Variants in COPZ1 observed in about 807,000 individuals in gnomAD.
COPZ1 encodes coat protein complex I subunit zeta 1, also known as coatomer subunit zeta-1.
Under a neutral mutation model 31.7 loss-of-function variants are expected in COPZ1, and 4 were observed. The observed-to-expected ratio is 0.13, with a 90% CI of 0.06 to 0.29. The LOEUF is 0.29. COPZ1 is among the 10% of genes least tolerant of loss of function. The probability of loss-of-function intolerance (pLI) is 1.00; values close to 1 mark genes in which losing one functional copy is unlikely to be tolerated. For synonymous variants in COPZ1, 74 were observed against 79.0 expected, an observed-to-expected ratio of 0.94 and a Z score of 0.33; for missense variants, 156 against 211.5, an observed-to-expected ratio of 0.74 and a Z score of 1.63.
rs377563616 is a variant in COPZ1 at position 54,342,377 on chromosome 12, G to A, written c.169+90G>A. On this transcript the variant is annotated intron_variant, in intron 3 of 8. Coordinates refer to ENST00000262061, the MANE Select transcript of COPZ1 (RefSeq NM_016057.3). Reference sequence around the variant, plus strand: ...CAGGGCTGCAGAGAAAGGATGAAATGACTCTGCCTTTTTCTTTTTTTTTCC... The same window carrying A: ...CAGGGCTGCAGAGAAAGGATGAAATAACTCTGCCTTTTTCTTTTTTTTTCC... 5.3e-6 allele frequency: 5 copies of A among 948,962 alleles called. No individual in the cohort carries two copies. The African/African-American group carries it at 8.2e-5, about 16-fold the overall frequency. The allele number at this position is 948,962 out of a possible 1,614,324, so 58.8% of individuals were successfully genotyped here.
intron 1 of COPZ1, among the ~76,000 whole-genome samples, chr12:54,331,111 A>G (rs1266819843): frequency 6.6e-6 from 1 of 150,886 alleles, no homozygotes; most frequent in African/African-American, 2.4e-5. Context: ...CTGTTGTGTA[A>G]TCTAAGTTAT....
At chr12:54,330,115 G>A (rs945544731) in intron 1 of COPZ1, among the ~76,000 whole-genome samples, 3 of 152,112 alleles carry the variant, frequency 2.0e-5, no homozygotes, top group Non-Finnish European at 2.9e-5. Context: ...CCTCATTCCT[G>A]CGCTGTGGAG....
At chr12:54,329,411 C>T (rs1345844120) in intron 1 of COPZ1, among the ~76,000 whole-genome samples, 2 of 151,978 alleles carry the variant, frequency 1.3e-5, no homozygotes, top group South Asian at 2.1e-4. Flanking sequence ...TGGTGAAACC[C>T]GTCTCTGCTA....
rs71070816 is a variant in COPZ1, at chr12:54,326,640, GGTGTGTGTGTGT to G, written c.18+1488_18+1499del. On this transcript the variant is annotated intron_variant, in intron 1 of 8. Transcript: ENST00000262061. ...AGTGCCCTATTTTGCGATTTGGAGG[GGTGTGTGTGTGT>G]GTGTGTGTGTGTGTGTGTGTGTGTG... Among the ~76,000 whole-genome samples the G allele has an allele frequency of 2.7e-3, 357 of 134,554 alleles. 2 individuals are homozygous for G. The highest frequency in any genetic ancestry group is 8.0e-3 in the African/African-American group (275 of 34,424). The allele number at this position is 134,554 out of a possible 152,430, so 88.3% of individuals were successfully genotyped here.
At chr12:54,334,997 A>G (rs1953831694) in intron 1 of COPZ1, among the ~76,000 whole-genome samples, 1 of 151,926 alleles carries the variant, frequency 6.6e-6, no homozygotes, top group Admixed American at 6.6e-5. Flanking sequence ...AAGATGGTGA[A>G]ACTCCATCTC....
chr12:54,337,019 CAAAAA>C (rs1182592654), intron 1 of COPZ1, among the ~76,000 whole-genome samples: 1,121 of 61,536 alleles, frequency 0.018, 8 homozygotes, highest in Middle Eastern at 0.043. Flanking sequence ...GAGACTGTCG[CAAAAA>C]AAAAAAAAAA....
intron 1 of COPZ1, among the ~76,000 whole-genome samples, chr12:54,333,760 CTG>C (rs1371411051): frequency 2.6e-5 from 4 of 152,148 alleles, no homozygotes; most frequent in Non-Finnish European, 4.4e-5. Context: ...TGTTTTGGGT[CTG>C]TGTCAGATAG....
At position 54,345,535 on chromosome 12, in the gene COPZ1, T is replaced by C. The variant is rs779274080; in HGVS notation, c.317+20T>C. On this transcript the variant is annotated intron_variant, in intron 5 of 8. Coordinates refer to ENST00000262061, the MANE Select transcript of COPZ1 (RefSeq NM_016057.3). ...GCTGAGGTGAGCAGGACATTCTTTT[T>C]TTTCCCCTCAAGTTATGATGGAAAG... 39 of 1,598,088 alleles carry C rather than the reference T, an allele frequency of 2.4e-5. No individual in the cohort carries two copies. Among genetic ancestry groups the C allele is most frequent in the Non-Finnish European group, 3.3e-5 (39 of 1,165,964 alleles).
chr12:54,326,195 A>C (rs562542246), intron 1 of COPZ1, among the ~76,000 whole-genome samples: 3 of 138,090 alleles, frequency 2.2e-5, no homozygotes, highest in Non-Finnish European at 4.7e-5. Flanking sequence ...GCTGGAGTGC[A>C]GTGGTACGAT....
chr12:54,340,667 G>A (rs778034460), intron 2 of COPZ1, 52 bp downstream of exon 2: 1 of 1,567,036 alleles, frequency 6.4e-7, no homozygotes, highest in Non-Finnish European at 8.7e-7. Context: ...TTTATTCTGA[G>A]ATTTGAATCT....
intron 1 of COPZ1, among the ~76,000 whole-genome samples, chr12:54,325,887 T>A (rs923282032): frequency 2.7e-5 from 4 of 150,646 alleles, no homozygotes; most frequent in South Asian, 2.1e-4. Flanking sequence ...GGCGCGATCT[T>A]GGCTCACTGC....
chr12:54,334,318 G>A (rs931432329), intron 1 of COPZ1, among the ~76,000 whole-genome samples: 1 of 152,060 alleles, frequency 6.6e-6, no homozygotes, highest in Non-Finnish European at 1.5e-5. Context: ...CTGCCTGAGA[G>A]GCTGAGGCAG....
chr12:54,325,335 A>C, intron 1 of COPZ1, 154 bp downstream of exon 1: 2 of 1,028,490 alleles, frequency 1.9e-6, no homozygotes, highest in Non-Finnish European at 2.8e-6. Flanking sequence ...GGCCTAGTGT[A>C]GGAGCTAAAG....
At chr12:54,326,680 TA>T (rs1480931827) in intron 1 of COPZ1, among the ~76,000 whole-genome samples, 26 of 121,388 alleles carry the variant, frequency 2.1e-4, no homozygotes, top group Middle Eastern at 4.0e-3. Context: ...TGTGTGTGTG[TA>T]GGTAGGTAGG....
chr12:54,345,312 C>A, intron 4 of COPZ1, 148 bp from the exon 5 acceptor site: 1 of 573,204 alleles, frequency 1.7e-6, no homozygotes, highest in Non-Finnish European at 3.2e-6. Context: ...GATCCTTTTC[C>A]TGTTGTGCTC....
intron 1 of COPZ1, among the ~76,000 whole-genome samples, chr12:54,325,852 G>C (rs2137078555): frequency 8.2e-6 from 1 of 121,788 alleles, no homozygotes; most frequent in African/African-American, 3.2e-5. Context: ...GCCTTGCTCT[G>C]TCACCCAGGC....
intron 1 of COPZ1, among the ~76,000 whole-genome samples, chr12:54,336,820 G>A (rs1392012440): frequency 3.3e-5 from 5 of 151,756 alleles, no homozygotes; most frequent in Non-Finnish European, 7.4e-5. Context: ...TCAGGAGTTC[G>A]AGACCAGCCT....
At chr12:54,339,843 C>G (rs761983540) in intron 1 of COPZ1, among the ~76,000 whole-genome samples, 1 of 152,084 alleles carries the variant, frequency 6.6e-6, no homozygotes, top group Non-Finnish European at 1.5e-5. Context: ...TTCTTAACTC[C>G]CCCAAAATTC....
chr12:54,331,555 A>G (rs1953756300), intron 1 of COPZ1, among the ~76,000 whole-genome samples: 1 of 151,620 alleles, frequency 6.6e-6, no homozygotes, highest in African/African-American at 2.4e-5. Flanking sequence ...ATTTTCTGCA[A>G]CTCCTTTTCT....
Sources: gnomAD v4.1 joint callset for allele counts (sites outside exome capture counted in the v4.1 genomes callset) on GRCh38, gnomAD v4.1.1 for gene constraint, MANE v1.5 for transcripts, NCBI Gene and HGNC (gene_info 2026-07-23, HGNC 2026-07-21) for gene names.